The following PARD3 variants were observed in gnomAD, a reference collection of about 807,000 sequenced individuals.
The protein encoded by PARD3 is par-3 family cell polarity regulator.
PARD3 carries 75 observed loss-of-function variants against 155.4 expected under a neutral mutation model. The ratio of observed to expected loss-of-function variants is 0.48; its 90% CI spans 0.40 to 0.58. The LOEUF is 0.58. Ranked by LOEUF, PARD3 falls within the 20% of genes least tolerant of loss-of-function variation. The pLI is 0.00. For missense variants in PARD3, 1,642 were observed against 1,721.7 expected, an observed-to-expected ratio of 0.95 and a Z score of 0.82; for synonymous variants, 576 against 610.5, an observed-to-expected ratio of 0.94 and a Z score of 0.83.
In PARD3 at chr10:34,409,850, A is replaced by C. The variant is rs866155346; in HGVS notation, c.715-7933T>G. Among the ~76,000 whole-genome samples, 6 of 152,338 alleles carry C rather than the reference A, an allele frequency of 3.9e-5. No individual in the cohort carries two copies. The South Asian group carries it at 1.2e-3, about 32-fold the overall frequency. ...AATGTGAAACAAAAATTAAGATATTAAACAAATACAATAATTTAAAGTATT... is the reference window on the plus strand; with the variant it reads ...AATGTGAAACAAAAATTAAGATATTCAACAAATACAATAATTTAAAGTATT... On this transcript the variant is annotated intron_variant, in intron 5 of 24. Transcript: ENST00000374788.
intron 3 of PARD3, among the ~76,000 whole-genome samples, chr10:34,478,872 C>T (rs1217164436): frequency 1.3e-5 from 2 of 152,066 alleles, no homozygotes; most frequent in African/African-American, 2.4e-5. Flanking sequence ...CATCCAAAAG[C>T]CAAGCATTTT....
At chr10:34,358,997 C>T (rs1839179526) in intron 14 of PARD3, 150 bp downstream of exon 14, 1 of 566,198 alleles carries the variant, frequency 1.8e-6, no homozygotes, top group Non-Finnish European at 3.1e-6. Flanking sequence ...AACCACAATC[C>T]ACCTACAAAA....
intron 5 of PARD3, among the ~76,000 whole-genome samples, chr10:34,429,628 C>T (rs747090136): frequency 4.6e-5 from 7 of 151,776 alleles, no homozygotes; most frequent in African/African-American, 1.2e-4. Flanking sequence ...CACTGTTGCC[C>T]GCGCTGGAGT....
chr10:34,269,823 G>A lies in PARD3; in HGVS notation c.3253C>T (p.Arg1085Trp), dbSNP rs376047524. 1.7e-5 allele frequency: 27 copies of A among 1,613,748 alleles called. No individual in the cohort carries two copies. In the East Asian group the frequency reaches 2.7e-4, roughly 16 times the overall value. Residue 1085 changes from arginine to tryptophan, a missense_variant, in exon 22 of 25, where the codon CGG becomes TGG. Around this residue, in one of 3 missense-constraint regions of PARD3, gnomAD observed 1,529 missense variants for 1,587.3 expected, o/e 0.96. Transcript: ENST00000374788. Reference protein sequence around the residue: ...RDYAEIQDFHRTFGCDDELMY... With the variant: ...RDYAEIQDFHWTFGCDDELMY... ...AACTCATCATCACAGCCAAATGTCC[G>A]ATGAAAATCTTGAATTTCAGCATAG... is the stretch of plus-strand genomic sequence containing the variant.
At chr10:34,192,298 A>G (rs887185649) in intron 22 of PARD3, among the ~76,000 whole-genome samples, 6 of 151,922 alleles carry the variant, frequency 3.9e-5, no homozygotes, top group Admixed American at 2.6e-4. Flanking sequence ...GGGTTTTGCC[A>G]TGTTGCCCAG....
chr10:34,593,391 T>C (rs2088910131), intron 2 of PARD3, among the ~76,000 whole-genome samples: 1 of 152,222 alleles, frequency 6.6e-6, no homozygotes, highest in African/African-American at 2.4e-5. Flanking sequence ...TAAAGCAATG[T>C]ATAAGTTCCA....
chr10:34,648,727 AC>A (rs1171294268), intron 2 of PARD3, among the ~76,000 whole-genome samples: 2 of 152,188 alleles, frequency 1.3e-5, no homozygotes, highest in Non-Finnish European at 2.9e-5. Flanking sequence ...ATGGACCAGT[AC>A]CACACAGTGG....
intron 22 of PARD3, among the ~76,000 whole-genome samples, chr10:34,182,407 G>A (rs1950306898): frequency 1.3e-5 from 2 of 152,152 alleles, no homozygotes; most frequent in Admixed American, 6.5e-5. Flanking sequence ...TTACACTTTA[G>A]TAGAGATGTA....
At chr10:34,480,627 A>T (rs1240070958) in intron 3 of PARD3, among the ~76,000 whole-genome samples, 1 of 152,138 alleles carries the variant, frequency 6.6e-6, no homozygotes, top group East Asian at 1.9e-4. Flanking sequence ...CACTCTAGAC[A>T]CACACCCCAA....
chr10:34,532,857 C>A (rs1448791022), intron 2 of PARD3, among the ~76,000 whole-genome samples: 4 of 152,134 alleles, frequency 2.6e-5, no homozygotes, highest in African/African-American at 9.7e-5. Context: ...ACAGTCATGT[C>A]ACTTAACAAC....
At chr10:34,339,860 GAA>G (rs1836611502) in intron 16 of PARD3, among the ~76,000 whole-genome samples, 1 of 152,142 alleles carries the variant, frequency 6.6e-6, no homozygotes, top group Admixed American at 6.5e-5. Context: ...CGGTACACTG[GAA>G]TATTTAACAA....
At chr10:34,279,558 G>A (rs1021281622) in intron 21 of PARD3, among the ~76,000 whole-genome samples, 1 of 152,080 alleles carries the variant, frequency 6.6e-6, no homozygotes. Flanking sequence ...ATGACAATAA[G>A]TGATCTAAAT....
chr10:34,525,991 G>A (rs1482355191), intron 2 of PARD3, among the ~76,000 whole-genome samples: 1 of 150,536 alleles, frequency 6.6e-6, no homozygotes, highest in African/African-American at 2.5e-5. Context: ...TGAGGCAAGG[G>A]GAATCGCTTG....
chr10:34,216,961 G>A (rs1952031501), intron 22 of PARD3, among the ~76,000 whole-genome samples: 1 of 152,160 alleles, frequency 6.6e-6, no homozygotes, highest in African/African-American at 2.4e-5. Context: ...CTCAGAAAAA[G>A]AAATGCTTTG....
chr10:34,160,356 A>C (rs1048299108), intron 22 of PARD3, among the ~76,000 whole-genome samples: 1 of 152,238 alleles, frequency 6.6e-6, no homozygotes, highest in African/African-American at 2.4e-5. Flanking sequence ...TTCAATTAAC[A>C]AAGCAGATTG....
At chr10:34,253,693 CACTCAGAG>C (rs1954466870) in intron 22 of PARD3, among the ~76,000 whole-genome samples, 2 of 60,736 alleles carry the variant, frequency 3.3e-5, no homozygotes, top group South Asian at 1.7e-3. Context: ...ATCAGACGAC[CACTCAGAG>C]AAGACACAGC....
At chr10:34,680,099 T>A (rs2093783638) in intron 2 of PARD3, among the ~76,000 whole-genome samples, 1 of 151,998 alleles carries the variant, frequency 6.6e-6, no homozygotes, top group African/African-American at 2.4e-5. Flanking sequence ...AAATAAAAAT[T>A]TTAAAGAAAA....
intron 22 of PARD3, among the ~76,000 whole-genome samples, chr10:34,176,102 G>A (rs78683532): frequency 3.0e-4 from 45 of 152,224 alleles, no homozygotes; most frequent in Non-Finnish European, 5.7e-4. Flanking sequence ...AATTTGACAT[G>A]ATTTTTACCA....
intron 22 of PARD3, among the ~76,000 whole-genome samples, chr10:34,161,286 T>C (rs182594080): frequency 7.0e-6 from 1 of 143,686 alleles, no homozygotes; most frequent in East Asian, 2.0e-4. Context: ...AGAATTAGCA[T>C]GAAATGGGGA....
Sources: allele counts gnomAD v4.1 joint callset (sites outside exome capture counted in the v4.1 genomes callset), GRCh38; gene constraint gnomAD v4.1.1; regional missense constraint gnomAD v4.1.1; transcripts MANE v1.5; gene names NCBI Gene and HGNC (gene_info 2026-07-23, HGNC 2026-07-21).